The following ARL15 variants were observed in gnomAD, a reference collection of about 807,000 sequenced individuals.
ARL15 encodes ARF like GTPase 15, also known as ADP-ribosylation factor-like protein 15.
Under a neutral mutation model 25.2 loss-of-function variants are expected in ARL15, and 19 were observed. That is an observed-to-expected ratio of 0.75 (90% CI 0.53 to 1.10). The LOEUF (loss-of-function observed/expected upper bound fraction) is 1.10. Ranked by LOEUF, ARL15 falls within the 50% of genes least tolerant of loss-of-function variation. The probability of loss-of-function intolerance (pLI) is 0.00; values close to 1 mark genes in which losing one functional copy is unlikely to be tolerated. For synonymous variants in ARL15, 94 were observed against 86.8 expected (o/e 1.08, Z -0.46); for missense variants, 220 against 246.0 (o/e 0.89, Z 0.71).
chr5:54,203,302 C>T (rs1193003385), intron 1 of ARL15, among the ~76,000 whole-genome samples: 3 of 152,048 alleles, frequency 2.0e-5, no homozygotes, highest in Non-Finnish European at 4.4e-5. Context: ...ATTTCAAAAC[C>T]AAACTGAATA....
intron 4 of ARL15, among the ~76,000 whole-genome samples, chr5:53,947,380 T>A (rs1450184547): frequency 1.3e-5 from 2 of 151,908 alleles, no homozygotes; most frequent in African/African-American, 4.8e-5. Flanking sequence ...AAAGATAGGA[T>A]GTGGCAAGGG....
chr5:53,968,426 A>G (rs1747634174), intron 4 of ARL15, among the ~76,000 whole-genome samples: 1 of 152,198 alleles, frequency 6.6e-6, no homozygotes, highest in Non-Finnish European at 1.5e-5. Flanking sequence ...ATACAGAAAC[A>G]TCTTCACTGA....
intron 4 of ARL15, among the ~76,000 whole-genome samples, chr5:54,015,292 C>CAAA (rs112278417): frequency 7.2e-6 from 1 of 138,314 alleles, no homozygotes; most frequent in African/African-American, 2.7e-5. Flanking sequence ...AACTCCATCT[C>CAAA]AAAAAAAAAA....
chr5:54,249,672 C>CAAAAA (rs11437578), intron 1 of ARL15, among the ~76,000 whole-genome samples: 1 of 72,640 alleles, frequency 1.4e-5, no homozygotes, highest in African/African-American at 4.2e-5. Context: ...TGGTTAAGAG[C>CAAAAA]AAAAAAAAAA....
chr5:54,197,125 T>A (rs924493153), intron 1 of ARL15, among the ~76,000 whole-genome samples: 23 of 151,258 alleles, frequency 1.5e-4, no homozygotes, highest in Middle Eastern at 3.2e-3. Context: ...TTCAGTTTGT[T>A]TTTTTTTTAT....
intron 1 of ARL15, among the ~76,000 whole-genome samples, chr5:54,263,315 A>T (rs1320940959): frequency 6.6e-6 from 1 of 152,190 alleles, no homozygotes; most frequent in African/African-American, 2.4e-5. Flanking sequence ...CGAATCTCCC[A>T]GTTAACCACT....
chr5:53,937,250 TTA>T (rs1198651016), intron 4 of ARL15, among the ~76,000 whole-genome samples: 1 of 151,878 alleles, frequency 6.6e-6, no homozygotes, highest in Non-Finnish European at 1.5e-5. Context: ...AGATAAAAGG[TTA>T]TCAGGGAATA....
chr5:54,025,649 A>ATTTG (rs3836819), intron 4 of ARL15, among the ~76,000 whole-genome samples: 9,400 of 151,078 alleles, frequency 0.062, 382 homozygotes, highest in South Asian at 0.087. Context: ...CTGGCAAGTT[A>ATTTG]TTTGTTTGTT....
chr5:54,170,568 T>C (rs1419732753), intron 2 of ARL15, among the ~76,000 whole-genome samples: 2 of 152,058 alleles, frequency 1.3e-5, no homozygotes, highest in Non-Finnish European at 2.9e-5. Context: ...TTTCTAGGAG[T>C]TGCCAATCTG....
chr5:53,959,659 CTTA>C (rs1379787411), intron 4 of ARL15, among the ~76,000 whole-genome samples: 2 of 152,034 alleles, frequency 1.3e-5, no homozygotes, highest in Non-Finnish European at 2.9e-5. Flanking sequence ...GACCTATGGA[CTTA>C]TTATTCCTAC....
At chr5:54,039,638 T>TA (rs1294712407) in intron 4 of ARL15, among the ~76,000 whole-genome samples, 1 of 151,574 alleles carries the variant, frequency 6.6e-6, no homozygotes, top group Non-Finnish European at 1.5e-5. Context: ...CCTTCTCTAC[T>TA]AAAAAACTAC....
intron 4 of ARL15, among the ~76,000 whole-genome samples, chr5:53,908,795 A>C (rs1745359689): frequency 1.3e-5 from 2 of 152,360 alleles, no homozygotes; most frequent in South Asian, 4.1e-4. Context: ...CCTATTTGAC[A>C]AAAGATCAAT....
At chr5:54,105,611 C>T (rs949408797) in intron 4 of ARL15, among the ~76,000 whole-genome samples, 6 of 151,932 alleles carry the variant, frequency 3.9e-5, no homozygotes, top group South Asian at 2.1e-4. Context: ...GAGACAGAGC[C>T]GCACTCTGTC....
At chr5:54,064,810 C>A (rs1459058310) in intron 4 of ARL15, among the ~76,000 whole-genome samples, 1 of 151,750 alleles carries the variant, frequency 6.6e-6, no homozygotes, top group Non-Finnish European at 1.5e-5. Context: ...GGGGTTTGAA[C>A]TGTCTGAGTC....
At chr5:54,276,109 T>TG (rs1757922744) in intron 1 of ARL15, among the ~76,000 whole-genome samples, 1 of 152,122 alleles carries the variant, frequency 6.6e-6, no homozygotes, top group South Asian at 2.1e-4. Flanking sequence ...ATTATTTTGG[T>TG]CTTTATAAAA....
intron 1 of ARL15, among the ~76,000 whole-genome samples, chr5:54,183,837 C>T (rs1256274078): frequency 3.3e-5 from 5 of 151,266 alleles, no homozygotes; most frequent in African/African-American, 1.2e-4. Flanking sequence ...ATAGCAAAGA[C>T]TTGGAACCAA....
chr5:54,186,614 C>CA (rs1488211059), intron 1 of ARL15, among the ~76,000 whole-genome samples: 3 of 151,828 alleles, frequency 2.0e-5, no homozygotes, highest in Admixed American at 6.6e-5. Flanking sequence ...AATTAAATAC[C>CA]AAAAAAAATT....
intron 4 of ARL15, among the ~76,000 whole-genome samples, chr5:53,907,515 TG>T (rs1745310290): frequency 9.5e-6 from 1 of 105,432 alleles, no homozygotes; most frequent in Non-Finnish European, 2.0e-5. Context: ...TTTTTTTTTT[TG>T]AGGCGGACTC....
intron 1 of ARL15, among the ~76,000 whole-genome samples, chr5:54,299,905 T>C (rs1373339004): frequency 6.6e-6 from 1 of 152,172 alleles, no homozygotes; most frequent in Admixed American, 6.5e-5. Flanking sequence ...TAGTTTTAAC[T>C]ACATCTCCAA....
Sources: allele counts gnomAD v4.1 joint callset (sites outside exome capture counted in the v4.1 genomes callset), GRCh38; gene constraint gnomAD v4.1.1; transcripts MANE v1.5; gene names NCBI Gene and HGNC (gene_info 2026-07-23, HGNC 2026-07-21).